Variants in WDR62 observed in about 807,000 individuals in gnomAD.
WDR62 encodes WD repeat-containing protein 62.
A neutral mutation model predicts 160.6 loss-of-function variants in WDR62; 112 were observed. That is an observed-to-expected ratio of 0.70 (90% CI 0.60 to 0.82). The LOEUF (loss-of-function observed/expected upper bound fraction) is 0.82, where lower values mean the gene tolerates loss of function less well. Among genes scored for constraint, WDR62 ranks in the 40% least tolerant of loss-of-function variants. The probability of loss-of-function intolerance (pLI) is 0.00; values close to 1 mark genes in which losing one functional copy is unlikely to be tolerated. For synonymous variants in WDR62, 792 were observed against 815.1 expected, an observed-to-expected ratio of 0.97 and a Z score of 0.48; for missense variants, 1,819 against 1,983.8, an observed-to-expected ratio of 0.92 and a Z score of 1.58.
chr19:36,092,962 C>A, intron 19 of WDR62, 151 bp downstream of exon 19: 1 of 1,142,078 alleles, frequency 8.8e-7, no homozygotes. Flanking sequence ...TTTGAATATG[C>A]AGTTACAGTA....
In WDR62 at chr19:36,104,378, TAGGAGTGAAGGGGAGGG is replaced by T. The variant is rs1157284072; in HGVS notation, c.4154-137_4154-121del. ...GAGGCTGCATTGGAGCAGAGACCTG[TAGGAGTGAAGGGGAGGG>T]AGCCTTGGGGACCCAGAGAAGTGTT... On this transcript the variant is annotated intron_variant, in intron 30 of 31. Coordinates refer to ENST00000401500, the MANE Select transcript of WDR62 (RefSeq NM_001083961.2). 5 of 1,089,852 alleles carry T rather than the reference TAGGAGTGAAGGGGAGGG, an allele frequency of 4.6e-6. No homozygotes were observed. In the African/African-American group the frequency reaches 6.3e-5, roughly 14 times the overall value. 67.5% of individuals were successfully genotyped at this position (1,089,852 alleles called of 1,614,324 possible).
intron 20 of WDR62, among the ~76,000 whole-genome samples, chr19:36,094,577 TATAAATAAA>T (rs975242928): frequency 8.0e-5 from 12 of 149,258 alleles, no homozygotes; most frequent in Non-Finnish European, 1.8e-4. Context: ...ATAATAATAA[TATAAATAAA>T]ATAAATAAAA....
rs143336272 is a variant in WDR62 at position 36,068,242 on chromosome 19, G to T, written c.882+232G>T. ...ACATAGGCAAGGCAGTGAGCACGGTGCTTGGTACCCTGAAATGGGCTCAAG... is the reference window on the plus strand; with the variant it reads ...ACATAGGCAAGGCAGTGAGCACGGTTCTTGGTACCCTGAAATGGGCTCAAG... On this transcript the variant is annotated intron_variant, in intron 7 of 31. Transcript: ENST00000401500. Among the ~76,000 whole-genome samples, 200 of 152,338 alleles carry T rather than the reference G, an allele frequency of 1.3e-3. 1 individual carries two copies. The highest frequency in any genetic ancestry group is 4.7e-3 in the African/African-American group (196 of 41,586).
chr19:36,069,195 G>A (rs571165668), intron 7 of WDR62, among the ~76,000 whole-genome samples: 10 of 146,038 alleles, frequency 6.8e-5, no homozygotes, highest in Admixed American at 2.0e-4. Context: ...CCTCCGGGAC[G>A]GGGCGGCTGC....
At chr19:36,062,633 G>A (rs1970707526) in intron 3 of WDR62, 2 of 101,710 alleles carry the variant, frequency 2.0e-5, no homozygotes, top group Admixed American at 1.4e-4. Context: ...CTGGGTGACA[G>A]AGCAAGAGTC....
intron 6 of WDR62, among the ~76,000 whole-genome samples, 183 bp from the exon 7 acceptor site, chr19:36,067,645 C>T (rs1971013198): frequency 6.6e-6 from 1 of 152,252 alleles, no homozygotes; most frequent in African/African-American, 2.4e-5. Flanking sequence ...CTGGGACCAG[C>T]TCTCATTCTT....
At chr19:36,068,935 G>A (rs903045257) in intron 7 of WDR62, among the ~76,000 whole-genome samples, 2 of 151,790 alleles carry the variant, frequency 1.3e-5, no homozygotes, top group African/African-American at 4.8e-5. Context: ...GGGGCGGCCG[G>A]GCAGAGGCAC....
chr19:36,082,502 G>T (rs1971957593), intron 10 of WDR62, among the ~76,000 whole-genome samples: 1 of 152,190 alleles, frequency 6.6e-6, no homozygotes, highest in Non-Finnish European at 1.5e-5. Flanking sequence ...CATGCAGGAG[G>T]CTGTAGCAGG....
rs1970264904 is a variant in WDR62, at chr19:36,054,958, CCTCCGGCGTGACGATGGCGGCCGT to C, written c.-13_11del. On this transcript the variant is annotated start_lost and 5_prime_UTR_variant, in exon 1 of 32. Coordinates refer to ENST00000401500, the MANE Select transcript of WDR62 (RefSeq NM_001083961.2). ...GGTTAGGGGATGTAACGGTCGCCCGCCTCCGGCGTGACGATGGCGGCCGTAGGGTCCGGAGGCTATGCGCGGAAC... is the reference window on the plus strand; with the variant it reads ...GGTTAGGGGATGTAACGGTCGCCCGCAGGGTCCGGAGGCTATGCGCGGAAC... 6.3e-7 allele frequency: 1 copy of C among 1,581,972 alleles called. No individual in the cohort carries two copies. The highest frequency in any genetic ancestry group is 8.6e-7 in the Non-Finnish European group (1 of 1,165,310).
intron 14 of WDR62, 39 bp downstream of exon 14, chr19:36,089,144 G>A (rs1372868085): frequency 3.7e-6 from 6 of 1,612,924 alleles, no homozygotes; most frequent in Non-Finnish European, 4.2e-6. Flanking sequence ...GGGGTGGGGG[G>A]TTGTCGGGGC....
intron 3 of WDR62, chr19:36,061,630 T>G (rs1484731911): frequency 6.6e-6 from 1 of 152,134 alleles, no homozygotes; most frequent in Non-Finnish European, 1.5e-5. Context: ...CTGTAGGCAG[T>G]GGAGTGGGTG....
chr19:36,067,224 G>A, intron 5 of WDR62, 82 bp from the exon 6 acceptor site: 3 of 1,590,500 alleles, frequency 1.9e-6, no homozygotes, highest in Non-Finnish European at 2.6e-6. Context: ...GGACGAGCAG[G>A]GAGTTCCAGC....
At chr19:36,058,933 AG>A in intron 2 of WDR62, 62 bp downstream of exon 2, 1 of 1,388,498 alleles carries the variant, frequency 7.2e-7, no homozygotes, top group Non-Finnish European at 1.0e-6. Flanking sequence ...TGGAACCTGA[AG>A]CCATCCGTAA....
chr19:36,066,495 G>T, intron 5 of WDR62, 68 bp downstream of exon 5: 1 of 1,534,128 alleles, frequency 6.5e-7, no homozygotes, highest in East Asian at 2.4e-5. Flanking sequence ...TTGGGCACAG[G>T]GAGAGCTACA....
rs1474083841 is a variant in WDR62 at position 36,092,808 on chromosome 19, C to G, written c.2330C>G (p.Pro777Arg). ...HTNDKKRSGH[P>R]RQDTYVSTPS... Reference sequence around the variant, plus strand: ...AATGACAAGAAGCGGAGTGGCCACCCCAGGTCCTGGCAGCCCCTGCCTGTC... The same window carrying G: ...AATGACAAGAAGCGGAGTGGCCACCGCAGGTCCTGGCAGCCCCTGCCTGTC... The change falls in exon 19 of 32, where the codon CCC becomes CGC. Residue 777 changes from proline to arginine, a missense_variant. Physicochemically the swap from Pro to Arg is moderately radical, Grantham distance 103. Transcript: ENST00000401500. 1 of 1,613,834 alleles carries G rather than the reference C, an allele frequency of 6.2e-7. No individual in the cohort carries two copies. Among genetic ancestry groups the G allele is most frequent in the Non-Finnish European group, 8.5e-7 (1 of 1,179,960 alleles).
rs1166379291 is a variant in WDR62, at chr19:36,067,296, A to C, written c.562-10A>C. On this transcript the variant is annotated splice_polypyrimidine_tract_variant and intron_variant, in intron 5 of 31. Coordinates refer to ENST00000401500, the MANE Select transcript of WDR62 (RefSeq NM_001083961.2). ...TGCTGGCATGAGCTTCTCTGCACTT[A>C]TTCTTCCAGAAAGACATCGTAGTGG... 1 of 1,614,130 alleles carries C rather than the reference A, an allele frequency of 6.2e-7. No individual in the cohort carries two copies. The highest frequency in any genetic ancestry group is 8.5e-7 in the Non-Finnish European group (1 of 1,180,032).
At chr19:36,055,176 C>T (rs1416126227) in intron 1 of WDR62, 28 bp downstream of exon 1, 1 of 1,592,466 alleles carries the variant, frequency 6.3e-7, no homozygotes, top group Admixed American at 1.7e-5. Context: ...ATGTCTACCC[C>T]AGTTCCAGGC....
intron 9 of WDR62, among the ~76,000 whole-genome samples, chr19:36,079,417 T>C (rs1219268637): frequency 1.3e-5 from 2 of 152,230 alleles, no homozygotes; most frequent in Non-Finnish European, 2.9e-5. Context: ...ACTTCCTTTT[T>C]GTGGTCCTCT....
Position 36,071,635 on chromosome 19 carries a change from A to G in WDR62, c.962A>G (p.Gln321Arg). ...ACAGATGGGATAGTCCGCATCTTCC[A>G]GGCCCATAGCCTGCACTACCTCGCC... is the stretch of plus-strand genomic sequence containing the variant. The part of the protein sequence containing the change: ...GCTDGIVRIF[Q>R]AHSLHYLANL... Residue 321 changes from glutamine to arginine, a missense_variant, in exon 8 of 32, where the codon CAG (glutamine) becomes CGG (arginine). Physicochemically the swap from Gln to Arg is conservative, Grantham distance 43 (BLOSUM62 1). This residue lies in a region of WDR62 where 934 missense variants were observed against 1,157.2 expected (regional missense o/e 0.81). Coordinates refer to ENST00000401500, the MANE Select transcript of WDR62 (RefSeq NM_001083961.2). The G allele has an allele frequency of 6.2e-7, 1 of 1,614,216 alleles. No individual in the cohort carries two copies. Among genetic ancestry groups the G allele is most frequent in the Non-Finnish European group, 8.5e-7 (1 of 1,180,038 alleles).
Sources: gnomAD v4.1 joint callset for allele counts (sites outside exome capture counted in the v4.1 genomes callset) on GRCh38, gnomAD v4.1.1 for gene constraint, gnomAD v4.1.1 regional missense constraint, MANE v1.5 for transcripts, NCBI Gene and HGNC (gene_info 2026-07-23, HGNC 2026-07-21) for gene names.